The following ICA1 variants were observed in gnomAD, a reference collection of about 807,000 sequenced individuals.
The protein encoded by ICA1 is islet cell autoantigen 1, also known as 69 kDa islet cell autoantigen.
In ICA1, 40 loss-of-function variants were observed where a neutral mutation model predicts 71.0. The ratio of observed to expected loss-of-function variants is 0.56; its 90% CI spans 0.44 to 0.73. The LOEUF (loss-of-function observed/expected upper bound fraction) is 0.73. ICA1 is among the 30% of genes least tolerant of loss of function. The pLI, the probability that ICA1 is intolerant of heterozygous loss-of-function variation, is 0.00. For missense variants in ICA1, 578 were observed against 576.5 expected (o/e 1.00, Z -0.03); for synonymous variants, 207 against 209.5 (o/e 0.99, Z 0.10).
intron 8 of ICA1, chr7:8,156,736 A>G: frequency 8.2e-7 from 1 of 1,214,374 alleles, no homozygotes; most frequent in Non-Finnish European, 1.1e-6. Flanking sequence ...TAATAATTAA[A>G]AGTAACTGAG....
At chr7:8,255,353 C>T (rs1809710663) in intron 1 of ICA1, among the ~76,000 whole-genome samples, 2 of 152,180 alleles carry the variant, frequency 1.3e-5, no homozygotes. Context: ...TCTTGAAATG[C>T]TCCTCTTCCT....
In ICA1 at chr7:8,141,798, C is replaced by G; in HGVS notation, c.922G>C (p.Glu308Gln). The change falls in exon 10 of 14, where the codon GAA becomes CAA. Residue 308 changes from glutamate to glutamine, a missense_variant. By Grantham distance (29) the Glu-to-Gln change is conservative (BLOSUM62 2). Coordinates refer to ENST00000402384, the MANE Select transcript of ICA1 (RefSeq NM_001136020.3). The stretch of plus-strand genomic sequence containing the variant: ...CTAGAGGATTCCTTGCGCTGGTTTT[C>G]TTCCTCTAATGAAATTAATCTTAAA... Reference protein sequence around the residue: ...EPSQLISLEEENQRKESSSFK... With the variant: ...EPSQLISLEEQNQRKESSSFK... The G allele has an allele frequency of 6.4e-7, 1 of 1,571,088 alleles. No individual in the cohort carries two copies. Among genetic ancestry groups the G allele is most frequent in the South Asian group, 1.2e-5 (1 of 86,840 alleles).
chr7:8,254,232 T>C (rs1388967491), intron 1 of ICA1, among the ~76,000 whole-genome samples: 1 of 152,122 alleles, frequency 6.6e-6, no homozygotes, highest in Non-Finnish European at 1.5e-5. Context: ...ATAAAATGTG[T>C]ATGCTGTGCA....
intron 13 of ICA1, among the ~76,000 whole-genome samples, chr7:8,126,620 G>C (rs1422697920): frequency 6.6e-6 from 1 of 151,746 alleles, no homozygotes; most frequent in African/African-American, 2.4e-5. Flanking sequence ...GGTTTTAATA[G>C]CCCATAATTA....
At chr7:8,240,615 G>T (rs867310119) in intron 1 of ICA1, among the ~76,000 whole-genome samples, 1 of 152,086 alleles carries the variant, frequency 6.6e-6, no homozygotes, top group Non-Finnish European at 1.5e-5. Flanking sequence ...AAACTTCTCC[G>T]AGCTAAAGGA....
Position 8,251,229 on chromosome 7 carries a change from C to T in ICA1, c.-80+10865G>A, listed in dbSNP as rs112770770. 2.1e-3 allele frequency among the ~76,000 whole-genome samples: 324 copies of T among 152,072 alleles called. 3 individuals are homozygous for T. The highest frequency in any genetic ancestry group is 7.3e-3 in the African/African-American group (301 of 41,490). On this transcript the variant is annotated intron_variant, in intron 1 of 13. Coordinates refer to ENST00000402384, the MANE Select transcript of ICA1 (RefSeq NM_001136020.3). The stretch of plus-strand genomic sequence containing the variant: ...TTGTTTTATTTACATTTCAAAAGAA[C>T]TCAGGTGTTATATACAATGATTAAG...
At chr7:8,138,119 A>G (rs1382933557) in intron 12 of ICA1, among the ~76,000 whole-genome samples, 1 of 152,218 alleles carries the variant, frequency 6.6e-6, no homozygotes, top group Non-Finnish European at 1.5e-5. Context: ...GGCTATAATT[A>G]GGCTGAACCC....
At chr7:8,240,456 A>C (rs1803406534) in intron 1 of ICA1, among the ~76,000 whole-genome samples, 1 of 152,188 alleles carries the variant, frequency 6.6e-6, no homozygotes, top group Non-Finnish European at 1.5e-5. Flanking sequence ...CCAGAGCAGA[A>C]ACCAGAGCAG....
In ICA1 at chr7:8,130,280, A is replaced by G. The variant is rs1790955020; in HGVS notation, c.1061-2138T>C. Among the ~76,000 whole-genome samples the G allele has an allele frequency of 6.6e-6, 1 of 152,206 alleles. No homozygotes were observed. Among genetic ancestry groups the G allele is most frequent in the South Asian group, 2.1e-4 (1 of 4,830 alleles). ...ATATTAACAGGGTAGTTCAGGAACC[A>G]CTTGAGCCTGCACATGGTGGGCGAG... On this transcript the variant is annotated intron_variant, in intron 12 of 13. Transcript: ENST00000402384. This position sits in a 1 kb window ranked among gnomAD's most constrained non-coding sequence, Gnocchi z 4.2.
At chr7:8,167,749 G>A (rs576812690) in intron 6 of ICA1, among the ~76,000 whole-genome samples, 7 of 152,140 alleles carry the variant, frequency 4.6e-5, no homozygotes, top group Non-Finnish European at 1.0e-4. Flanking sequence ...GACTAGACCA[G>A]GGATGGACAT....
chr7:8,175,810 T>C (rs1015518629), intron 6 of ICA1, among the ~76,000 whole-genome samples: 1 of 152,128 alleles, frequency 6.6e-6, no homozygotes, highest in Admixed American at 6.5e-5. Context: ...TTGTACTGGA[T>C]CAAAATCTCA....
chr7:8,125,774 T>C (rs73057515), intron 13 of ICA1, among the ~76,000 whole-genome samples: 1 of 152,322 alleles, frequency 6.6e-6, no homozygotes, highest in Non-Finnish European at 1.5e-5. Flanking sequence ...GCTAAAGTGC[T>C]AGTAGGATGG....
At position 8,130,231 on chromosome 7, in the gene ICA1, G is replaced by A. The variant is rs1286893850; in HGVS notation, c.1061-2089C>T. Among the ~76,000 whole-genome samples, 2 of 152,210 alleles carry A rather than the reference G, an allele frequency of 1.3e-5. No homozygotes were observed. The highest frequency in any genetic ancestry group is 2.9e-5 in the Non-Finnish European group (2 of 68,046). On this transcript the variant is annotated intron_variant, in intron 12 of 13. Transcript: ENST00000402384. This position sits in a 1 kb window ranked among gnomAD's most constrained non-coding sequence, Gnocchi z 4.2. ...CTATACCCAGTAATGGGATGGCTGG[G>A]TCGAATGGTATTTCGACAGTGTGAT...
rs149243411 is a variant in ICA1 at position 8,218,586 on chromosome 7, G to A, written c.381-83C>T. 204 of 1,090,574 alleles carry A rather than the reference G, an allele frequency of 1.9e-4. No homozygotes were observed. In the African/African-American group the frequency reaches 2.5e-3, roughly 13 times the overall value. 67.6% of individuals were successfully genotyped at this position (1,090,574 alleles called of 1,614,324 possible). On this transcript the variant is annotated intron_variant, in intron 5 of 13. Coordinates refer to ENST00000402384, the MANE Select transcript of ICA1 (RefSeq NM_001136020.3). ...TTGACATTCTGCCAATCTTAGACTCGTGAGTCTAGAACAGTACCTGGAATG... is the reference window on the plus strand; with the variant it reads ...TTGACATTCTGCCAATCTTAGACTCATGAGTCTAGAACAGTACCTGGAATG...
rs1779566230 is a variant in ICA1, at chr7:8,173,640, G to C, written c.580-14988C>G. ...GCATTCCAACTAATAAATGAAGAAG[G>C]AATATAATCTGTTTCCAGTAGCAGG... On this transcript the variant is annotated intron_variant, in intron 6 of 13. Transcript: ENST00000402384. The surrounding 1 kb of genome is among the most constrained non-coding windows in gnomAD (Gnocchi z 4.0). Among the ~76,000 whole-genome samples, 1 of 152,152 alleles carries C rather than the reference G, an allele frequency of 6.6e-6. No homozygotes were observed. The highest frequency in any genetic ancestry group is 2.4e-5 in the African/African-American group (1 of 41,436).
chr7:8,152,765 T>C (rs1258601291), intron 8 of ICA1, among the ~76,000 whole-genome samples: 7 of 105,486 alleles, frequency 6.6e-5, no homozygotes, highest in Admixed American at 1.0e-4. Flanking sequence ...TCATCACCAC[T>C]ACCCCCACCA....
At chr7:8,196,351 G>A (rs1389797129) in intron 6 of ICA1, among the ~76,000 whole-genome samples, 2 of 152,178 alleles carry the variant, frequency 1.3e-5, no homozygotes, top group Admixed American at 1.3e-4. Flanking sequence ...AGGCGCTCAG[G>A]GAGATAGAAG....
chr7:8,150,932 G>T (rs1798583959), intron 8 of ICA1, among the ~76,000 whole-genome samples: 1 of 152,242 alleles, frequency 6.6e-6, no homozygotes, highest in Non-Finnish European at 1.5e-5. Context: ...TCTGCACAAT[G>T]GGCATGCAGG....
intron 1 of ICA1, among the ~76,000 whole-genome samples, chr7:8,248,330 A>G (rs1806860759): frequency 6.6e-6 from 1 of 151,764 alleles, no homozygotes; most frequent in African/African-American, 2.4e-5. Context: ...TTTCCTCTTT[A>G]GTTTATTCAA....
Sources: gnomAD v4.1 joint callset for allele counts (sites outside exome capture counted in the v4.1 genomes callset) on GRCh38, gnomAD v4.1.1 for gene constraint, Gnocchi (gnomAD v3.1) non-coding constraint, MANE v1.5 for transcripts, NCBI Gene and HGNC (gene_info 2026-07-23, HGNC 2026-07-21) for gene names.